Variants in SEZ6L observed in about 807,000 individuals in gnomAD.
The protein encoded by SEZ6L is seizure 6-like protein.
A neutral mutation model predicts 106.2 loss-of-function variants in SEZ6L; 37 were observed. That is an observed-to-expected ratio of 0.35 (90% CI 0.27 to 0.46). SEZ6L has a LOEUF of 0.46. Among genes scored for constraint, SEZ6L ranks in the 20% least tolerant of loss-of-function variants. SEZ6L has a pLI of 1.00. For missense variants in SEZ6L, 1,172 were observed against 1,332.8 expected (o/e 0.88, Z 1.88); for synonymous variants, 541 against 570.4 (o/e 0.95, Z 0.73).
At chr22:26,290,132 G>A (rs1291353400) in intron 1 of SEZ6L, among the ~76,000 whole-genome samples, 1 of 152,228 alleles carries the variant, frequency 6.6e-6, no homozygotes, top group Non-Finnish European at 1.5e-5. Context: ...GGCTTGGAGA[G>A]TGAAGTCATT....
At chr22:26,268,831 G>A (rs2080271360) in intron 1 of SEZ6L, among the ~76,000 whole-genome samples, 1 of 152,202 alleles carries the variant, frequency 6.6e-6, no homozygotes, top group African/African-American at 2.4e-5. Flanking sequence ...CGTCAGTTGA[G>A]AACCAGTGGC....
At chr22:26,271,518 G>A (rs992922287) in intron 1 of SEZ6L, among the ~76,000 whole-genome samples, 16 of 152,144 alleles carry the variant, frequency 1.1e-4, no homozygotes, top group Admixed American at 7.9e-4. Context: ...TCATGGGAGC[G>A]GATCCCCCCT....
intron 1 of SEZ6L, among the ~76,000 whole-genome samples, chr22:26,234,141 C>T (rs2078884883): frequency 6.6e-6 from 1 of 152,164 alleles, no homozygotes; most frequent in Admixed American, 6.5e-5. Context: ...TTCCTGACCA[C>T]CTTGTGGAAA....
chr22:26,372,918 G>C (rs2084087551), intron 13 of SEZ6L, among the ~76,000 whole-genome samples: 1 of 152,184 alleles, frequency 6.6e-6, no homozygotes, highest in South Asian at 2.1e-4. Context: ...TGAAGGTCTG[G>C]GGCCTCGCAA....
chr22:26,322,603 G>A (rs1182208260), intron 9 of SEZ6L, among the ~76,000 whole-genome samples: 1 of 152,166 alleles, frequency 6.6e-6, no homozygotes, highest in Non-Finnish European at 1.5e-5. Flanking sequence ...GGAGTTAATG[G>A]GAGAAAAGTG....
At chr22:26,334,565 A>G (rs986152748) in intron 9 of SEZ6L, among the ~76,000 whole-genome samples, 4 of 152,202 alleles carry the variant, frequency 2.6e-5, no homozygotes, top group Non-Finnish European at 4.4e-5. Flanking sequence ...TTCTGGAAAG[A>G]TTCATCTGGC....
intron 1 of SEZ6L, among the ~76,000 whole-genome samples, chr22:26,222,314 C>A (rs1047522551): frequency 1.3e-5 from 2 of 152,162 alleles, no homozygotes; most frequent in South Asian, 4.1e-4. Flanking sequence ...ACAGATGGAG[C>A]AAGTGAGGCA....
intron 9 of SEZ6L, among the ~76,000 whole-genome samples, chr22:26,325,313 G>A (rs1359064124): frequency 6.6e-6 from 1 of 152,206 alleles, no homozygotes; most frequent in African/African-American, 2.4e-5. Flanking sequence ...CCATAGAAGA[G>A]TGGAGATTAG....
chr22:26,363,039 G>A lies in SEZ6L; in HGVS notation c.2600-2333G>A, dbSNP rs185009669. Among the ~76,000 whole-genome samples, 301 of 152,312 alleles carry A rather than the reference G, an allele frequency of 2.0e-3. 2 individuals carry two copies. The highest frequency in any genetic ancestry group is 7.0e-3 in the African/African-American group (290 of 41,564). On this transcript the variant is annotated intron_variant, in intron 12 of 16. Coordinates refer to ENST00000248933, the MANE Select transcript of SEZ6L (RefSeq NM_021115.5). ...GGCAAGTACCACGTGAAAGACAATAGGGAGTGGCAGAGACTGGGGCTAAAG... is the reference window on the plus strand; with the variant it reads ...GGCAAGTACCACGTGAAAGACAATAAGGAGTGGCAGAGACTGGGGCTAAAG...
At chr22:26,342,123 C>T (rs918123985) in intron 10 of SEZ6L, among the ~76,000 whole-genome samples, 1 of 152,190 alleles carries the variant, frequency 6.6e-6, no homozygotes, top group Non-Finnish European at 1.5e-5. Context: ...ACCTGGGAGA[C>T]ACAGAGGGTA....
intron 1 of SEZ6L, among the ~76,000 whole-genome samples, chr22:26,185,079 G>A (rs894239113): frequency 4.2e-4 from 64 of 152,184 alleles, no homozygotes; most frequent in African/African-American, 1.5e-3. Context: ...GCAAGACTCT[G>A]TCCAAACAAA....
intron 3 of SEZ6L, among the ~76,000 whole-genome samples, chr22:26,296,600 C>T (rs2081307638): frequency 6.6e-6 from 1 of 152,204 alleles, no homozygotes; most frequent in African/African-American, 2.4e-5. Context: ...AGGGCCTGTG[C>T]CAAAGGCCCC....
intron 6 of SEZ6L, among the ~76,000 whole-genome samples, chr22:26,307,683 T>C (rs1337473127): frequency 6.9e-6 from 1 of 145,130 alleles, no homozygotes; most frequent in Admixed American, 6.8e-5. Context: ...AGATTCCCTA[T>C]CCTTTCTTCT....
rs150601767 is a variant in SEZ6L at position 26,292,354 on chromosome 22, T to A, written c.95-52T>A. ...GCCACCCTCAGAGTCTGACAGCAGG[T>A]GAAGGTCCTAAATCTCCCCAAACTA... On this transcript the variant is annotated intron_variant, in intron 1 of 16. Transcript: ENST00000248933. The A allele has an allele frequency of 4.9e-6, 7 of 1,440,258 alleles. No homozygotes were observed. In the African/African-American group the frequency reaches 9.8e-5, roughly 20 times the overall value. The allele number at this position is 1,440,258 out of a possible 1,614,324, so 89.2% of individuals were successfully genotyped here.
At chr22:26,259,202 G>A (rs1349071379) in intron 1 of SEZ6L, among the ~76,000 whole-genome samples, 4 of 152,118 alleles carry the variant, frequency 2.6e-5, no homozygotes, top group Admixed American at 2.6e-4. Context: ...AGAAAGAAAA[G>A]AGCTTTGGGG....
chr22:26,362,369 C>T (rs545512073), intron 12 of SEZ6L, among the ~76,000 whole-genome samples: 126 of 152,324 alleles, frequency 8.3e-4, no homozygotes, highest in African/African-American at 2.9e-3. Context: ...TGCCTCATCT[C>T]TGGGAGTCTT....
intron 9 of SEZ6L, among the ~76,000 whole-genome samples, chr22:26,327,020 C>T (rs1198806909): frequency 1.3e-5 from 2 of 152,160 alleles, no homozygotes; most frequent in Admixed American, 6.5e-5. Context: ...GGATTGGCCA[C>T]GCCAGGGCTT....
At chr22:26,278,113 C>T (rs2080612381) in intron 1 of SEZ6L, among the ~76,000 whole-genome samples, 1 of 152,066 alleles carries the variant, frequency 6.6e-6, no homozygotes, top group Non-Finnish European at 1.5e-5. Context: ...CAGGAACCTT[C>T]CAGGGAAAGG....
intron 9 of SEZ6L, among the ~76,000 whole-genome samples, chr22:26,331,668 A>G (rs773242015): frequency 5.3e-5 from 8 of 152,236 alleles, no homozygotes; most frequent in South Asian, 2.1e-4. Flanking sequence ...GTAAAATGTT[A>G]GGGAGACAAA....
Sources: gnomAD v4.1 joint callset for allele counts (sites outside exome capture counted in the v4.1 genomes callset) on GRCh38, gnomAD v4.1.1 for gene constraint, MANE v1.5 for transcripts, NCBI Gene and HGNC (gene_info 2026-07-23, HGNC 2026-07-21) for gene names.